NXPH1: variants seen among roughly 807,000 people sequenced by gnomAD.
NXPH1 encodes neurexophilin-1.
In NXPH1, 5 loss-of-function variants were observed where a neutral mutation model predicts 23.7. The observed-to-expected ratio is 0.21, with a 90% CI of 0.11 to 0.44. NXPH1 has a LOEUF of 0.44. NXPH1 is among the 20% of genes least tolerant of loss of function. The pLI, the probability that NXPH1 is intolerant of heterozygous loss-of-function variation, is 0.99. For missense variants in NXPH1, 324 were observed against 321.6 expected (o/e 1.01, Z -0.06); for synonymous variants, 144 against 122.2 (o/e 1.18, Z -1.18).
intron 2 of NXPH1, among the ~76,000 whole-genome samples, chr7:8,595,224 C>A (rs10252943): frequency 6.6e-6 from 1 of 151,662 alleles, no homozygotes; most frequent in Non-Finnish European, 1.5e-5. Flanking sequence ...TAAACAAATA[C>A]TTGATTTCAA....
intron 2 of NXPH1, among the ~76,000 whole-genome samples, chr7:8,552,299 T>C (rs976624271): frequency 8.6e-5 from 13 of 151,362 alleles, no homozygotes; most frequent in Non-Finnish European, 1.8e-4. Flanking sequence ...GCAAAAATTA[T>C]AGAGGCCTGA....
At chr7:8,637,550 C>G (rs1209855157) in intron 2 of NXPH1, among the ~76,000 whole-genome samples, 1 of 152,126 alleles carries the variant, frequency 6.6e-6, no homozygotes, top group Non-Finnish European at 1.5e-5. Flanking sequence ...ATTTCCTGTT[C>G]TGGTCAGTGA....
At chr7:8,710,497 A>G (rs999352069) in intron 2 of NXPH1, among the ~76,000 whole-genome samples, 1 of 152,208 alleles carries the variant, frequency 6.6e-6, no homozygotes, top group Non-Finnish European at 1.5e-5. Flanking sequence ...TGAGGAATTA[A>G]GCCTTGAGTA....
intron 2 of NXPH1, among the ~76,000 whole-genome samples, chr7:8,510,488 G>C (rs934772119): frequency 6.6e-6 from 1 of 151,970 alleles, no homozygotes; most frequent in Non-Finnish European, 1.5e-5. Context: ...TACATGTTCT[G>C]CACATACAAT....
intron 2 of NXPH1, among the ~76,000 whole-genome samples, chr7:8,745,502 A>G (rs1179593803): frequency 6.7e-6 from 1 of 149,500 alleles, no homozygotes; most frequent in Non-Finnish European, 1.5e-5. Context: ...TTAGAGAATA[A>G]TAAGTTTTTT....
At chr7:8,629,559 AAT>A (rs1185230546) in intron 2 of NXPH1, among the ~76,000 whole-genome samples, 1 of 152,150 alleles carries the variant, frequency 6.6e-6, no homozygotes, top group Non-Finnish European at 1.5e-5. Context: ...TTGGTGTGTT[AAT>A]ATTACAAGCT....
chr7:8,477,060 C>G (rs564067457), intron 2 of NXPH1, among the ~76,000 whole-genome samples: 7 of 152,254 alleles, frequency 4.6e-5, no homozygotes, highest in African/African-American at 1.7e-4. Context: ...GTATGTTAAG[C>G]AGTACCCAAA....
At chr7:8,699,088 AT>A (rs573214601) in intron 2 of NXPH1, among the ~76,000 whole-genome samples, 1 of 152,186 alleles carries the variant, frequency 6.6e-6, no homozygotes, top group East Asian at 1.9e-4. Flanking sequence ...AACAGATCAA[AT>A]TTTTTTGGTC....
At chr7:8,584,982 G>A (rs1256724786) in intron 2 of NXPH1, among the ~76,000 whole-genome samples, 2 of 152,032 alleles carry the variant, frequency 1.3e-5, no homozygotes, top group African/African-American at 2.4e-5. Flanking sequence ...TTGACTTAAG[G>A]CCTCTCTACA....
rs990111353 is a variant in NXPH1 at position 8,443,271 on chromosome 7, A to AT, written c.54+7508dup. On this transcript the variant is annotated intron_variant, in intron 2 of 2. Coordinates refer to ENST00000405863, the MANE Select transcript of NXPH1 (RefSeq NM_152745.3). Reference sequence around the variant, plus strand: ...GCGGCGTCACGTGATCACCACGGAGATTTTGCGAATCCTTCTTTTCCCCAA... The same window carrying AT: ...GCGGCGTCACGTGATCACCACGGAGATTTTTGCGAATCCTTCTTTTCCCCAA... Among the ~76,000 whole-genome samples, 72 of 152,248 alleles carry AT rather than the reference A, an allele frequency of 4.7e-4. 1 individual carries two copies. Among genetic ancestry groups the AT allele is most frequent in the South Asian group, 1.7e-3 (8 of 4,824 alleles).
intron 2 of NXPH1, among the ~76,000 whole-genome samples, chr7:8,613,526 G>C (rs1001487033): frequency 6.6e-6 from 1 of 151,924 alleles, no homozygotes; most frequent in African/African-American, 2.4e-5. Context: ...ACTTGATGTA[G>C]CTTTCTAACA....
At chr7:8,723,757 G>A (rs1482588169) in intron 2 of NXPH1, among the ~76,000 whole-genome samples, 2 of 152,240 alleles carry the variant, frequency 1.3e-5, no homozygotes, top group Middle Eastern at 3.4e-3. Context: ...GAAGTTTATG[G>A]GGAGCTAGAT....
intron 2 of NXPH1, among the ~76,000 whole-genome samples, chr7:8,646,675 C>G (rs1820404188): frequency 6.6e-6 from 1 of 151,936 alleles, no homozygotes; most frequent in Admixed American, 6.6e-5. Context: ...ATATGTTTTT[C>G]CTATTCTATC....
At chr7:8,616,366 C>G (rs986758688) in intron 2 of NXPH1, among the ~76,000 whole-genome samples, 4 of 152,050 alleles carry the variant, frequency 2.6e-5, no homozygotes, top group Admixed American at 1.3e-4. Flanking sequence ...CTGTCTCTAT[C>G]AGGACTCCTC....
intron 2 of NXPH1, among the ~76,000 whole-genome samples, chr7:8,694,634 G>A (rs1241899796): frequency 6.6e-6 from 1 of 151,942 alleles, no homozygotes; most frequent in African/African-American, 2.4e-5. Context: ...ATTTTTATAT[G>A]TTCTAGCAGG....
chr7:8,648,742 T>C (rs1820436412), intron 2 of NXPH1, among the ~76,000 whole-genome samples: 1 of 152,214 alleles, frequency 6.6e-6, no homozygotes, highest in African/African-American at 2.4e-5. Context: ...CAAATGTGTT[T>C]TCTTGAAAAC....
chr7:8,483,292 T>G (rs982786253), intron 2 of NXPH1, among the ~76,000 whole-genome samples: 3 of 152,190 alleles, frequency 2.0e-5, no homozygotes, highest in African/African-American at 7.2e-5. Context: ...ATTAGAAGTT[T>G]TAAGCATTGC....
At chr7:8,714,766 AC>A (rs1434672561) in intron 2 of NXPH1, among the ~76,000 whole-genome samples, 3 of 152,030 alleles carry the variant, frequency 2.0e-5, no homozygotes, top group African/African-American at 7.2e-5. Flanking sequence ...TTGGGGCCTC[AC>A]AACTCTGCCT....
intron 2 of NXPH1, among the ~76,000 whole-genome samples, chr7:8,674,040 GA>G (rs774023512): frequency 4.6e-5 from 7 of 152,016 alleles, no homozygotes; most frequent in Non-Finnish European, 1.0e-4. Flanking sequence ...TTGCAAATAA[GA>G]TACAGTATTG....
Sources: gnomAD v4.1 joint callset for allele counts (sites outside exome capture counted in the v4.1 genomes callset) on GRCh38, gnomAD v4.1.1 for gene constraint, MANE v1.5 for transcripts, NCBI Gene and HGNC (gene_info 2026-07-23, HGNC 2026-07-21) for gene names.